Variants in ZNF653 observed in about 807,000 individuals in gnomAD.
ZNF653 encodes zinc finger protein 653.
A neutral mutation model predicts 59.9 loss-of-function variants in ZNF653; 37 were observed. The observed-to-expected ratio is 0.62, with a 90% CI of 0.48 to 0.81. ZNF653 has a LOEUF of 0.81. Ranked by LOEUF, ZNF653 falls within the 40% of genes least tolerant of loss-of-function variation. The pLI, the probability that ZNF653 is intolerant of heterozygous loss-of-function variation, is 0.00. For synonymous variants in ZNF653, 435 were observed against 371.8 expected (o/e 1.17, Z -1.96); for missense variants, 808 against 881.1 (o/e 0.92, Z 1.05).
chr19:11,498,083 C>A (rs1971606833), intron 2 of ZNF653, among the ~76,000 whole-genome samples: 1 of 152,218 alleles, frequency 6.6e-6, no homozygotes, highest in African/African-American at 2.4e-5. Flanking sequence ...GCTCGGCTCT[C>A]CCCTGGCTGA....
Position 11,495,283 on chromosome 19 carries a change from G to A in ZNF653, c.559+667C>T, listed in dbSNP as rs1305731254. The stretch of plus-strand genomic sequence containing the variant: ...TGCCCCGTGGGATGGGAAGGAGAGA[G>A]GCAGGGACCGCGAAGGTGGGGAGGG... On this transcript the variant is annotated intron_variant, in intron 3 of 8. Coordinates refer to ENST00000293771, the MANE Select transcript of ZNF653 (RefSeq NM_138783.4). The surrounding 1 kb of genome is among the most constrained non-coding windows in gnomAD (Gnocchi z 4.9). 4.6e-5 allele frequency among the ~76,000 whole-genome samples: 7 copies of A among 152,126 alleles called. No individual in the cohort carries two copies. The highest frequency in any genetic ancestry group is 8.8e-5 in the Non-Finnish European group (6 of 68,006).
chr19:11,487,181 T>C lies in ZNF653; in HGVS notation c.1172-23A>G. ...TCTCTACAGGGTGGACACAGGGTGG[T>C]GTCCGCAGGGGACGAAGGCTGCCGA... On this transcript the variant is annotated intron_variant, in intron 4 of 8. Transcript: ENST00000293771. The surrounding 1 kb of genome is among the most constrained non-coding windows in gnomAD (Gnocchi z 5.1). 6.2e-7 allele frequency: 1 copy of C among 1,609,008 alleles called. No individual in the cohort carries two copies. Among genetic ancestry groups the C allele is most frequent in the Non-Finnish European group, 8.5e-7 (1 of 1,179,242 alleles).
chr19:11,486,473 A>G (rs1260624316), intron 6 of ZNF653, among the ~76,000 whole-genome samples: 1 of 152,186 alleles, frequency 6.6e-6, no homozygotes, highest in Non-Finnish European at 1.5e-5. Context: ...AGGCAGCCCC[A>G]ATTGATTCAT....
chr19:11,501,003 T>C (rs111697389), intron 1 of ZNF653, among the ~76,000 whole-genome samples: 4 of 152,238 alleles, frequency 2.6e-5, no homozygotes, highest in African/African-American at 9.6e-5. Flanking sequence ...CAGAGGCCAC[T>C]GGCATCAAGG....
In ZNF653 at chr19:11,483,867, G is replaced by C. The variant is rs1010493023; in HGVS notation, c.1671-8C>G. On this transcript the variant is annotated splice_region_variant and splice_polypyrimidine_tract_variant and intron_variant, in intron 8 of 8. Transcript: ENST00000293771. ...TAGCCACAGATCTCGCACCTGCCGG[G>C]AGCCCGTGGCGGGACGGGGCGGGGT... 6.3e-7 allele frequency: 1 copy of C among 1,576,928 alleles called. No individual in the cohort carries two copies. The highest frequency in any genetic ancestry group is 2.3e-5 in the East Asian group (1 of 43,630).
chr19:11,489,573 T>C (rs1284148908), intron 3 of ZNF653, among the ~76,000 whole-genome samples: 1 of 152,072 alleles, frequency 6.6e-6, no homozygotes, highest in African/African-American at 2.4e-5. Flanking sequence ...GCTCCAGTGA[T>C]CCTCCCACCT....
chr19:11,492,931 G>C (rs1971544324), intron 3 of ZNF653, among the ~76,000 whole-genome samples: 1 of 152,154 alleles, frequency 6.6e-6, no homozygotes, highest in African/African-American at 2.4e-5. Context: ...ATTTTTAGTA[G>C]AGACCGGGTT....
At chr19:11,496,282 C>G in intron 2 of ZNF653, 117 bp from the exon 3 acceptor site, 1 of 952,118 alleles carries the variant, frequency 1.1e-6, no homozygotes, top group Non-Finnish European at 1.6e-6. Context: ...CTCCTGAGTA[C>G]CATCCAGGCC....
At chr19:11,489,133 T>C (rs907849328) in intron 3 of ZNF653, among the ~76,000 whole-genome samples, 43 of 151,656 alleles carry the variant, frequency 2.8e-4, no homozygotes, top group African/African-American at 9.5e-4. Flanking sequence ...CTCCTGACCT[T>C]GGGTGATCCA....
At chr19:11,483,883 G>C in intron 8 of ZNF653, 24 bp from the exon 9 acceptor site, 1 of 1,550,402 alleles carries the variant, frequency 6.4e-7, no homozygotes, top group Non-Finnish European at 8.7e-7. Context: ...GTGGCGGGAC[G>C]GGGCGGGGTC....
chr19:11,505,482 C>T lies in ZNF653; in HGVS notation c.299+6G>A, dbSNP rs749887324. The T allele has an allele frequency of 2.0e-6, 3 of 1,482,858 alleles. No individual in the cohort carries two copies. The highest frequency in any genetic ancestry group is 2.7e-6 in the Non-Finnish European group (3 of 1,128,568). 91.9% of individuals were successfully genotyped at this position (1,482,858 alleles called of 1,614,324 possible). A position where few individuals can be genotyped will look rare whatever the true frequency, so the allele number is the denominator to read the frequency against. On this transcript the variant is annotated splice_donor_region_variant and intron_variant, in intron 1 of 8. Transcript: ENST00000293771. ...CCCTCCCTCCCTCGGGGCCAGGCCCCCTCACCCGTGGCGGCCGCTCCGCTG... is the reference window on the plus strand; with the variant it reads ...CCCTCCCTCCCTCGGGGCCAGGCCCTCTCACCCGTGGCGGCCGCTCCGCTG...
intron 7 of ZNF653, among the ~76,000 whole-genome samples, chr19:11,484,891 A>C (rs1048486287): frequency 6.8e-6 from 1 of 148,006 alleles, no homozygotes; most frequent in East Asian, 2.0e-4. Context: ...GTCCCTACTA[A>C]AAAAAAAAAA....
intron 3 of ZNF653, among the ~76,000 whole-genome samples, chr19:11,494,373 ATAACAT>A (rs1971561436): frequency 1.4e-5 from 2 of 147,882 alleles, no homozygotes; most frequent in African/African-American, 5.2e-5. Context: ...ATAACATAAC[ATAACAT>A]AAAACATAAC....
rs570394825 is a variant in ZNF653, at chr19:11,504,405, A to G, written c.299+1083T>C. The stretch of plus-strand genomic sequence containing the variant: ...GACAGAGCAAGACTCTGTCTCAAAA[A>G]AAAAGAAAAGAAAAGAAAAACGAAC... On this transcript the variant is annotated intron_variant, in intron 1 of 8. Coordinates refer to ENST00000293771, the MANE Select transcript of ZNF653 (RefSeq NM_138783.4). 8.9e-5 allele frequency: 47 copies of G among 528,706 alleles called. No individual in the cohort carries two copies. In the East Asian group the frequency reaches 1.2e-3, roughly 13 times the overall value. The allele number at this position is 528,706 out of a possible 1,614,324, so 32.8% of individuals were successfully genotyped here.
In ZNF653 at chr19:11,495,271, G is replaced by T. The variant is rs1354575490; in HGVS notation, c.559+679C>A. On this transcript the variant is annotated intron_variant, in intron 3 of 8. Transcript: ENST00000293771. The surrounding 1 kb of genome is among the most constrained non-coding windows in gnomAD (Gnocchi z 4.9). ...TCACTGAGTCCCTGCCCCGTGGGAT[G>T]GGAAGGAGAGAGGCAGGGACCGCGA... is the stretch of plus-strand genomic sequence containing the variant. 6.6e-6 allele frequency among the ~76,000 whole-genome samples: 1 copy of T among 152,162 alleles called. No individual in the cohort carries two copies. The highest frequency in any genetic ancestry group is 1.5e-5 in the Non-Finnish European group (1 of 68,016).
intron 1 of ZNF653, among the ~76,000 whole-genome samples, chr19:11,501,282 G>C (rs1278394355): frequency 6.6e-6 from 1 of 150,678 alleles, no homozygotes; most frequent in Non-Finnish European, 1.5e-5. Flanking sequence ...GGGCTCAACC[G>C]ATCCTCTTGC....
chr19:11,494,089 AGGC>A (rs1971556544), intron 3 of ZNF653, among the ~76,000 whole-genome samples: 1 of 152,122 alleles, frequency 6.6e-6, no homozygotes, highest in Non-Finnish European at 1.5e-5. Context: ...AGGGAGGCCG[AGGC>A]AGGAGGATCA....
intron 7 of ZNF653, among the ~76,000 whole-genome samples, chr19:11,485,171 C>A (rs1465163890): frequency 6.6e-6 from 1 of 152,006 alleles, no homozygotes; most frequent in African/African-American, 2.4e-5. Context: ...GGCACCATGG[C>A]TCTCCACTAT....
intron 6 of ZNF653, 130 bp from the exon 7 acceptor site, chr19:11,485,900 T>G: frequency 1.5e-6 from 1 of 685,468 alleles, no homozygotes; most frequent in Non-Finnish European, 2.6e-6. Flanking sequence ...AGGGGTACCC[T>G]TGCCCAGCTC....
Sources: allele counts gnomAD v4.1 joint callset (sites outside exome capture counted in the v4.1 genomes callset), GRCh38; gene constraint gnomAD v4.1.1; non-coding constraint Gnocchi (gnomAD v3.1); transcripts MANE v1.5; gene names NCBI Gene and HGNC (gene_info 2026-07-23, HGNC 2026-07-21).